PRDM16: variants seen among roughly 807,000 people sequenced by gnomAD.
PRDM16 encodes PR/SET domain 16.
PRDM16 carries 23 observed loss-of-function variants against 110.6 expected under a neutral mutation model. The ratio of observed to expected loss-of-function variants is 0.21; its 90% CI spans 0.15 to 0.29. The LOEUF is 0.29. Ranked by LOEUF, PRDM16 falls within the 10% of genes least tolerant of loss-of-function variation. The pLI, the probability that PRDM16 is intolerant of heterozygous loss-of-function variation, is 1.00. For synonymous variants in PRDM16, 799 were observed against 781.8 expected (o/e 1.02, Z -0.37); for missense variants, 1,615 against 1,794.3 (o/e 0.90, Z 1.81).
At chr1:3,156,000 G>A (rs1164509786) in intron 1 of PRDM16, among the ~76,000 whole-genome samples, 1 of 152,178 alleles carries the variant, frequency 6.6e-6, no homozygotes, top group Non-Finnish European at 1.5e-5. Flanking sequence ...GTCTCTAATC[G>A]AGGTGCTCAG....
At chr1:3,110,049 A>G (rs1331463321) in intron 1 of PRDM16, among the ~76,000 whole-genome samples, 2 of 147,754 alleles carry the variant, frequency 1.4e-5, no homozygotes, top group African/African-American at 5.1e-5. Flanking sequence ...GGGTATGGGG[A>G]CACAGTGCTC....
chr1:3,340,380 C>T (rs1345504998), intron 3 of PRDM16, among the ~76,000 whole-genome samples: 3 of 152,182 alleles, frequency 2.0e-5, no homozygotes, highest in East Asian at 1.9e-4. Context: ...GAGGCAGGAG[C>T]GTTTACCTGA....
At chr1:3,220,777 G>A (rs981075086) in intron 2 of PRDM16, among the ~76,000 whole-genome samples, 3 of 152,156 alleles carry the variant, frequency 2.0e-5, no homozygotes, top group Non-Finnish European at 2.9e-5. Context: ...TGCAGGGCTC[G>A]TGCATCTGCT....
At chr1:3,362,049 T>G (rs1442412075) in intron 3 of PRDM16, among the ~76,000 whole-genome samples, 1 of 151,198 alleles carries the variant, frequency 6.6e-6, no homozygotes, top group Non-Finnish European at 1.5e-5. Flanking sequence ...GGGAGGGGTG[T>G]CTGCTGGTAG....
chr1:3,169,052 T>C (rs1171732375), intron 1 of PRDM16, among the ~76,000 whole-genome samples: 2 of 152,082 alleles, frequency 1.3e-5, no homozygotes, highest in East Asian at 1.9e-4. Context: ...AAGAGGGACG[T>C]CCTGAGACCC....
At position 3,266,768 on chromosome 1, in the gene PRDM16, C is replaced by T. The variant is rs934985458; in HGVS notation, c.438+22631C>T. Among the ~76,000 whole-genome samples, 5 of 152,216 alleles carry T rather than the reference C, an allele frequency of 3.3e-5. No homozygotes were observed. In the South Asian group the frequency reaches 1.0e-3, roughly 32 times the overall value. ...TCAGCTCACTGCAACCTCTGCCTCC[C>T]AGGGTCAAACAATTCTCTTGCCTCA... On this transcript the variant is annotated intron_variant, in intron 3 of 16. Coordinates refer to ENST00000270722, the MANE Select transcript of PRDM16 (RefSeq NM_022114.4).
intron 1 of PRDM16, among the ~76,000 whole-genome samples, chr1:3,122,988 C>T (rs939383406): frequency 2.0e-5 from 3 of 152,084 alleles, no homozygotes; most frequent in Non-Finnish European, 4.4e-5. Flanking sequence ...CTCAGGGCAG[C>T]GGTGTGCAAG....
chr1:3,433,104 A>G (rs1326788390), intron 16 of PRDM16, among the ~76,000 whole-genome samples: 3 of 152,108 alleles, frequency 2.0e-5, no homozygotes, highest in Non-Finnish European at 2.9e-5. Context: ...TCTGCTGATC[A>G]CCAGGTGGAG....
At chr1:3,313,251 G>A (rs547528932) in intron 3 of PRDM16, among the ~76,000 whole-genome samples, 1 of 152,340 alleles carries the variant, frequency 6.6e-6, no homozygotes, top group African/African-American at 2.4e-5. Context: ...GAATGTGACC[G>A]CGCTGTCTAT....
intron 3 of PRDM16, among the ~76,000 whole-genome samples, chr1:3,375,121 G>T (rs531987068): frequency 6.6e-6 from 1 of 152,198 alleles, no homozygotes; most frequent in African/African-American, 2.4e-5. Context: ...ACCGAGGCAG[G>T]ACCCCAGACA....
At chr1:3,374,992 C>G (rs990576271) in intron 3 of PRDM16, among the ~76,000 whole-genome samples, 4 of 152,216 alleles carry the variant, frequency 2.6e-5, no homozygotes, top group African/African-American at 9.6e-5. Flanking sequence ...TCCAGGACAT[C>G]TTCAGCAGGT....
At chr1:3,082,327 G>A (rs1228984511) in intron 1 of PRDM16, among the ~76,000 whole-genome samples, 2 of 152,222 alleles carry the variant, frequency 1.3e-5, no homozygotes, top group African/African-American at 4.8e-5. Context: ...CCAGGAGGGC[G>A]CCTCGGGGTC....
Position 3,412,810 on chromosome 1 carries a change from AC to A in PRDM16, c.2603+14del. On this transcript the variant is annotated intron_variant, in intron 9 of 16. Coordinates refer to ENST00000270722, the MANE Select transcript of PRDM16 (RefSeq NM_022114.4). ...TGGACCCCATCTACAGGTATTCAGC[AC>A]CCCAGCCTCACTGGCTCTCCCTGGG... 6.9e-7 allele frequency: 1 copy of A among 1,441,864 alleles called. No homozygotes were observed. The highest frequency in any genetic ancestry group is 1.5e-5 in the South Asian group (1 of 66,908). 89.3% of individuals were successfully genotyped at this position (1,441,864 alleles called of 1,614,324 possible). A position where few individuals can be genotyped will look rare whatever the true frequency, so the allele number is the denominator to read the frequency against.
chr1:3,279,135 G>A (rs901334997), intron 3 of PRDM16, among the ~76,000 whole-genome samples: 1 of 152,154 alleles, frequency 6.6e-6, no homozygotes, highest in Non-Finnish European at 1.5e-5. Context: ...CTGTGGCCCC[G>A]AGTCCGGGGA....
chr1:3,328,088 T>A (rs1266942407), intron 3 of PRDM16, among the ~76,000 whole-genome samples: 1 of 152,146 alleles, frequency 6.6e-6, no homozygotes, highest in East Asian at 1.9e-4. Flanking sequence ...AAGCTGGATG[T>A]GCTAGGCGTT....
rs1299406090 is a variant in PRDM16 at position 3,181,795 on chromosome 1, C to T, written c.38-4330C>T. Among the ~76,000 whole-genome samples the T allele has an allele frequency of 1.2e-4, 16 of 132,468 alleles. No individual in the cohort carries two copies. In the East Asian group the frequency reaches 1.5e-3, roughly 12 times the overall value. The allele number at this position is 132,468 out of a possible 152,430, so 86.9% of individuals were successfully genotyped here. On this transcript the variant is annotated intron_variant, in intron 1 of 16. Coordinates refer to ENST00000270722, the MANE Select transcript of PRDM16 (RefSeq NM_022114.4). ...TCTTACACATGCAGTCTTACACATG[C>T]AGTCTTACACACGGTCTTACACATG...
Position 3,331,271 on chromosome 1 carries a change from T to C in PRDM16, c.439-53881T>C, listed in dbSNP as rs189625059. Among the ~76,000 whole-genome samples the C allele has an allele frequency of 2.1e-3, 319 of 151,796 alleles. 1 individual carries two copies. The highest frequency in any genetic ancestry group is 3.9e-3 in the East Asian group (20 of 5,080). On this transcript the variant is annotated intron_variant, in intron 3 of 16. Transcript: ENST00000270722. ...CCCCTGCCAGCCTGGGGGGGGCGCA[T>C]ACTGGGAGTCTGGAGAAAGGCAGCC...
chr1:3,352,893 G>A (rs1642521830), intron 3 of PRDM16, among the ~76,000 whole-genome samples: 4 of 151,054 alleles, frequency 2.6e-5, no homozygotes, highest in Non-Finnish European at 5.9e-5. Context: ...GCCGCATTTG[G>A]TGTTCACACA....
chr1:3,248,698 C>G (rs1453779403), intron 3 of PRDM16, among the ~76,000 whole-genome samples: 1 of 152,216 alleles, frequency 6.6e-6, no homozygotes, highest in Non-Finnish European at 1.5e-5. Flanking sequence ...TGCTACAGGT[C>G]ATAAAAGTCG....
Sources: allele counts gnomAD v4.1 joint callset (sites outside exome capture counted in the v4.1 genomes callset), GRCh38; gene constraint gnomAD v4.1.1; transcripts MANE v1.5; gene names NCBI Gene and HGNC (gene_info 2026-07-23, HGNC 2026-07-21).